Variants in ARID3B observed in about 807,000 individuals in gnomAD.
ARID3B encodes the protein AT-rich interactive domain-containing protein 3B.
A neutral mutation model predicts 51.9 loss-of-function variants in ARID3B; 10 were observed. The ratio of observed to expected loss-of-function variants is 0.19; its 90% CI spans 0.12 to 0.33. ARID3B has a LOEUF of 0.33. Among genes scored for constraint, ARID3B ranks in the 10% least tolerant of loss-of-function variants. ARID3B has a pLI of 1.00. For synonymous variants in ARID3B, 205 were observed against 279.5 expected (o/e 0.73, Z 2.66); for missense variants, 483 against 716.3 (o/e 0.67, Z 3.72).
intron 2 of ARID3B, among the ~76,000 whole-genome samples, chr15:74,547,704 C>T (rs1314596903): frequency 6.6e-6 from 1 of 152,236 alleles, no homozygotes. Flanking sequence ...GGAGCCCAGC[C>T]ACCCAGTCTG....
intron 2 of ARID3B, among the ~76,000 whole-genome samples, chr15:74,554,835 A>C (rs1471455515): frequency 6.6e-6 from 1 of 152,190 alleles, no homozygotes; most frequent in African/African-American, 2.4e-5. Context: ...CCAGACCACC[A>C]CAATAAAGCA....
chr15:74,598,120 C>T lies in ARID3B; in HGVS notation c.*2346C>T. 1 of 471,686 alleles carries T rather than the reference C, an allele frequency of 2.1e-6. No homozygotes were observed. Among genetic ancestry groups the T allele is most frequent in the East Asian group, 4.4e-5 (1 of 22,498 alleles). 29.2% of individuals were successfully genotyped at this position (471,686 alleles called of 1,614,324 possible). ...TGTTTATATTTCAATAAACCTCTAC[C>T]TCTTCACACAAGCAGGTCTCTCTCA... On this transcript the variant is annotated 3_prime_UTR_variant, in exon 9 of 9. Transcript: ENST00000346246.
At chr15:74,579,680 T>C (rs2061751963) in intron 4 of ARID3B, among the ~76,000 whole-genome samples, 1 of 152,134 alleles carries the variant, frequency 6.6e-6, no homozygotes, top group African/African-American at 2.4e-5. Flanking sequence ...TGCTGTGTAA[T>C]ATATTTCCTC....
chr15:74,597,709 T>G lies in ARID3B; in HGVS notation c.*1935T>G. 1 of 495,506 alleles carries G rather than the reference T, an allele frequency of 2.0e-6. No individual in the cohort carries two copies. Among genetic ancestry groups the G allele is most frequent in the Non-Finnish European group, 3.9e-6 (1 of 256,690 alleles). The allele number at this position is 495,506 out of a possible 1,614,324, so 30.7% of individuals were successfully genotyped here. A position where few individuals can be genotyped will look rare whatever the true frequency, so the allele number is the denominator to read the frequency against. ...AGGGGTTTGGTCACAAAGGATGGAC[T>G]CTTCCCACCCAGAGGATGCAGGGAA... On this transcript the variant is annotated 3_prime_UTR_variant, in exon 9 of 9. Coordinates refer to ENST00000346246, the MANE Select transcript of ARID3B (RefSeq NM_006465.4).
intron 4 of ARID3B, among the ~76,000 whole-genome samples, chr15:74,586,637 A>C (rs1039437916): frequency 1.3e-5 from 2 of 152,204 alleles, no homozygotes; most frequent in African/African-American, 4.8e-5. Flanking sequence ...GGGAGGCTGA[A>C]GTGGGAGGAT....
At chr15:74,569,791 A>G (rs1016110430) in intron 2 of ARID3B, among the ~76,000 whole-genome samples, 1 of 152,230 alleles carries the variant, frequency 6.6e-6, no homozygotes, top group East Asian at 1.9e-4. Context: ...GGCAGGGCTC[A>G]GGAATTACTC....
Position 74,595,863 on chromosome 15 carries a change from C to G in ARID3B, c.*89C>G. 2 of 1,366,760 alleles carry G rather than the reference C, an allele frequency of 1.5e-6. No homozygotes were observed. Among genetic ancestry groups the G allele is most frequent in the South Asian group, 1.4e-5 (1 of 69,300 alleles). 84.7% of individuals were successfully genotyped at this position (1,366,760 alleles called of 1,614,324 possible). A position where few individuals can be genotyped will look rare whatever the true frequency, so the allele number is the denominator to read the frequency against. On this transcript the variant is annotated 3_prime_UTR_variant, in exon 9 of 9. Coordinates refer to ENST00000346246, the MANE Select transcript of ARID3B (RefSeq NM_006465.4). ...AATTTACCTCATCTCACAGAGCCCA[C>G]GTCGACGAGCACCATTTGGCCAGAC... is the stretch of plus-strand genomic sequence containing the variant.
intron 4 of ARID3B, among the ~76,000 whole-genome samples, chr15:74,587,441 T>C (rs2061785577): frequency 2.0e-5 from 3 of 152,116 alleles, no homozygotes; most frequent in Admixed American, 2.0e-4. Flanking sequence ...AGGGTGGTAG[T>C]GTTGCTGGGA....
At chr15:74,546,305 A>T (rs1399254987) in intron 2 of ARID3B, among the ~76,000 whole-genome samples, 3 of 151,784 alleles carry the variant, frequency 2.0e-5, no homozygotes, top group Admixed American at 6.6e-5. Context: ...GAGTCAGCTC[A>T]TAGCAGGATC....
intron 4 of ARID3B, among the ~76,000 whole-genome samples, chr15:74,577,423 C>G (rs1209379570): frequency 6.6e-6 from 1 of 152,054 alleles, no homozygotes; most frequent in Non-Finnish European, 1.5e-5. Flanking sequence ...CCATTGCACT[C>G]CAGCCTGGGT....
At chr15:74,572,985 G>A (rs1172068429) in intron 3 of ARID3B, 52 bp downstream of exon 3, 1 of 1,605,056 alleles carries the variant, frequency 6.2e-7, no homozygotes. Context: ...GCAGTGGCTT[G>A]TTACAGCTGA....
intron 2 of ARID3B, among the ~76,000 whole-genome samples, chr15:74,554,180 G>A (rs2061648186): frequency 6.6e-6 from 1 of 151,282 alleles, no homozygotes; most frequent in Admixed American, 6.6e-5. Context: ...CTAATTTTTT[G>A]TATTTTTAGT....
chr15:74,571,072 C>G (rs1266627918), intron 2 of ARID3B, among the ~76,000 whole-genome samples: 1 of 152,130 alleles, frequency 6.6e-6, no homozygotes, highest in Non-Finnish European at 1.5e-5. Flanking sequence ...TAGTCTGTTT[C>G]ATTTTAACTG....
At chr15:74,560,329 C>T (rs1280258097) in intron 2 of ARID3B, among the ~76,000 whole-genome samples, 12 of 151,924 alleles carry the variant, frequency 7.9e-5, no homozygotes, top group Admixed American at 5.2e-4. Context: ...AATAATAACT[C>T]AAATAATTTT....
chr15:74,546,037 C>G (rs2061614351), intron 2 of ARID3B, among the ~76,000 whole-genome samples: 2 of 152,178 alleles, frequency 1.3e-5, no homozygotes, highest in African/African-American at 4.8e-5. Context: ...GTAAACAGTG[C>G]CATCCTCTCC....
At position 74,552,092 on chromosome 15, in the gene ARID3B, C is replaced by T. The variant is rs1327240452; in HGVS notation, c.552+7604C>T. ...TTTTTTTTTTTCTGAGACGGAGTCTCGCTCTGCCGCCCAGGCTAGAGTGCT... is the reference window on the plus strand; with the variant it reads ...TTTTTTTTTTTCTGAGACGGAGTCTTGCTCTGCCGCCCAGGCTAGAGTGCT... On this transcript the variant is annotated intron_variant, in intron 2 of 8. Transcript: ENST00000346246. Among the ~76,000 whole-genome samples, 3 of 119,540 alleles carry T rather than the reference C, an allele frequency of 2.5e-5. No individual in the cohort carries two copies. In the Admixed American group the frequency reaches 3.2e-4, roughly 13 times the overall value. The allele number at this position is 119,540 out of a possible 152,430, so 78.4% of individuals were successfully genotyped here.
chr15:74,582,922 G>A (rs1459422021), intron 4 of ARID3B, among the ~76,000 whole-genome samples: 4 of 152,046 alleles, frequency 2.6e-5, no homozygotes, highest in African/African-American at 9.7e-5. Context: ...AGCCGGGTAC[G>A]GTGGCTCACA....
intron 4 of ARID3B, among the ~76,000 whole-genome samples, chr15:74,579,872 T>TGTGTGTGCGCGCGC (rs1488209764): frequency 2.1e-4 from 25 of 118,934 alleles, no homozygotes; most frequent in Admixed American, 2.0e-3. Context: ...TGTGTGTGTG[T>TGTGTGTGCGCGCGC]GCGCGCGCGC....
In ARID3B at chr15:74,571,683, A is replaced by G. The variant is rs146978610; in HGVS notation, c.553-1179A>G. ...CCTTTCCTTTCAAGGAGCTTACCAT[A>G]TGGTGAGGATGACAGATACTTCCCA... On this transcript the variant is annotated intron_variant, in intron 2 of 8. Coordinates refer to ENST00000346246, the MANE Select transcript of ARID3B (RefSeq NM_006465.4). Among the ~76,000 whole-genome samples the G allele has an allele frequency of 6.4e-4, 97 of 152,374 alleles. 1 individual carries two copies. The highest frequency in any genetic ancestry group is 2.3e-3 in the African/African-American group (95 of 41,582).
Sources: allele counts gnomAD v4.1 joint callset (sites outside exome capture counted in the v4.1 genomes callset), GRCh38; gene constraint gnomAD v4.1.1; transcripts MANE v1.5; gene names NCBI Gene and HGNC (gene_info 2026-07-23, HGNC 2026-07-21).